MED12L: variants seen among roughly 807,000 people sequenced by gnomAD.
MED12L encodes the protein mediator of RNA polymerase II transcription subunit 12-like protein.
In MED12L, 60 loss-of-function variants were observed where a neutral mutation model predicts 281.3. The observed-to-expected ratio is 0.21, with a 90% CI of 0.17 to 0.26. The LOEUF is 0.26. MED12L is among the 10% of genes least tolerant of loss of function. The pLI is 1.00. For missense variants in MED12L, 2,146 were observed against 2,680.9 expected, an observed-to-expected ratio of 0.80 and a Z score of 4.41; for synonymous variants, 974 against 987.2, an observed-to-expected ratio of 0.99 and a Z score of 0.25.
At position 151,166,080 on chromosome 3, in the gene MED12L, G is replaced by A. The variant is rs538005287; in HGVS notation, c.1494+98G>A. ...ACTCTGGCGAAACCTTTTCTATGAA[G>A]TGTAGTATCTTATGAAGACATACAC... is the stretch of plus-strand genomic sequence containing the variant. On this transcript the variant is annotated intron_variant, in intron 11 of 44. Transcript: ENST00000687756. 4.0e-6 allele frequency: 4 copies of A among 1,002,600 alleles called. No homozygotes were observed. The African/African-American group carries it at 6.5e-5, about 16-fold the overall frequency. The allele number at this position is 1,002,600 out of a possible 1,614,324, so 62.1% of individuals were successfully genotyped here.
chr3:151,226,246 G>C (rs1235869122), intron 16 of MED12L, among the ~76,000 whole-genome samples: 1 of 152,182 alleles, frequency 6.6e-6, no homozygotes, highest in Non-Finnish European at 1.5e-5. Context: ...GCTTTAGCTA[G>C]GCAAAGAAGA....
intron 2 of MED12L, among the ~76,000 whole-genome samples, chr3:151,091,191 C>T (rs559037806): frequency 1.3e-5 from 2 of 152,278 alleles, no homozygotes; most frequent in African/African-American, 4.8e-5. Context: ...AGAGCCCCAC[C>T]AGCAGGGACC....
At chr3:151,315,623 T>C (rs572320350) in intron 16 of MED12L, among the ~76,000 whole-genome samples, 10 of 152,294 alleles carry the variant, frequency 6.6e-5, no homozygotes, top group African/African-American at 2.4e-4. Flanking sequence ...ATATGCCTCT[T>C]TGATCCCTAA....
chr3:151,379,972 A>G (rs1711957986), intron 31 of MED12L, 141 bp from the exon 32 acceptor site: 1 of 545,800 alleles, frequency 1.8e-6, no homozygotes, highest in East Asian at 3.3e-5. Context: ...AAGTAGAGGT[A>G]TGATTTAAAT....
chr3:151,091,750 C>T (rs1327183911), intron 2 of MED12L, among the ~76,000 whole-genome samples: 1 of 152,226 alleles, frequency 6.6e-6, no homozygotes, highest in East Asian at 1.9e-4. Flanking sequence ...GCCTTCAAGG[C>T]CCTACCAGTC....
chr3:151,262,020 C>T (rs568457857), intron 16 of MED12L, among the ~76,000 whole-genome samples: 8 of 152,322 alleles, frequency 5.3e-5, no homozygotes, highest in Non-Finnish European at 7.3e-5. Context: ...TGCCACTGCA[C>T]TCAGCTGAAG....
At position 151,357,229 on chromosome 3, in the gene MED12L, G is replaced by C; in HGVS notation, c.2678G>C (p.Ser893Thr). ...CTGTTACAGTTACTAAATGAACTGAGTGTTGTGGAAGCTGAACTGCTCCTA... is the reference window on the plus strand; with the variant it reads ...CTGTTACAGTTACTAAATGAACTGACTGTTGTGGAAGCTGAACTGCTCCTA... The part of the protein sequence containing the change: ...DFAIQLLNEL[S>T]VVEAELLLKS... Residue 893 changes from serine (S) to threonine (T), a missense_variant, in exon 20 of 45, where the codon AGT becomes ACT. By Grantham distance (58) the Ser-to-Thr change is moderately conservative (BLOSUM62 1). Around this residue, in one of 9 missense-constraint regions of MED12L, gnomAD observed 404 missense variants for 603.5 expected, o/e 0.67. Coordinates refer to ENST00000687756, the MANE Select transcript of MED12L (RefSeq NM_001393769.1). The C allele has an allele frequency of 6.2e-7, 1 of 1,608,678 alleles. No individual in the cohort carries two copies.
chr3:151,354,109 C>A (rs1236766593), intron 17 of MED12L, among the ~76,000 whole-genome samples: 1 of 129,928 alleles, frequency 7.7e-6, no homozygotes, highest in Non-Finnish European at 1.6e-5. Flanking sequence ...CCACTGCACT[C>A]CAGCCTGGGC....
intron 16 of MED12L, among the ~76,000 whole-genome samples, chr3:151,210,591 T>G (rs1255383470): frequency 2.6e-5 from 4 of 152,270 alleles, no homozygotes; most frequent in Non-Finnish European, 4.4e-5. Flanking sequence ...TGCATCAAAA[T>G]GGAATGTAAG....
chr3:151,210,106 A>G (rs58615496), intron 16 of MED12L, among the ~76,000 whole-genome samples: 2,544 of 152,224 alleles, frequency 0.017, 83 homozygotes, highest in African/African-American at 0.058. Flanking sequence ...AAGTGCTTCT[A>G]GATCTTATAT....
intron 16 of MED12L, chr3:151,214,402 G>A: frequency 8.8e-7 from 1 of 1,138,620 alleles, no homozygotes; most frequent in Admixed American, 2.2e-5. Context: ...CATTTGCTGA[G>A]TAATAAGGCA....
intron 16 of MED12L, chr3:151,337,606 A>G (rs1751184071): frequency 1.8e-6 from 1 of 553,252 alleles, no homozygotes; most frequent in South Asian, 2.3e-5. Context: ...TTTTGCTGCT[A>G]ATACAGCTAC....
rs552376643 is a variant in MED12L, at chr3:151,313,452, C to T, written c.2251-36607C>T. On this transcript the variant is annotated intron_variant, in intron 16 of 44. Transcript: ENST00000687756. ...TGTGGGCAGTGGTTCAAGGTCAGAG[C>T]TGTGCTCCCTACTGTTATGCTTGTT... is the stretch of plus-strand genomic sequence containing the variant. Among the ~76,000 whole-genome samples the T allele has an allele frequency of 1.2e-4, 19 of 152,168 alleles. No homozygotes were observed. In the South Asian group the frequency reaches 3.3e-3, roughly 27 times the overall value.
rs199918746 is a variant in MED12L at position 151,152,541 on chromosome 3, G to A, written c.557-3620G>A. On this transcript the variant is annotated intron_variant, in intron 5 of 44. Coordinates refer to ENST00000687756, the MANE Select transcript of MED12L (RefSeq NM_001393769.1). The stretch of plus-strand genomic sequence containing the variant: ...TCTGACATTGGTGACAGCAGGTGCT[G>A]TCTATTGATACTCAAGGTCTATCAG... 2.6e-5 allele frequency among the ~76,000 whole-genome samples: 4 copies of A among 152,268 alleles called. No homozygotes were observed. The East Asian group carries it at 5.8e-4, about 22-fold the overall frequency.
chr3:151,409,301 T>A lies in MED12L; in HGVS notation c.5879T>A (p.Leu1960His). Residue 1960 changes from leucine (L) to histidine (H), a missense_variant, in exon 40 of 45, where the codon CTC (leucine) becomes CAC (histidine). By Grantham distance (99) the Leu-to-His change is moderately conservative. Coordinates refer to ENST00000687756, the MANE Select transcript of MED12L (RefSeq NM_001393769.1). The stretch of plus-strand genomic sequence containing the variant: ...GCGCAAGCACGGCCCTCCCCTCAGC[T>A]CCCTCAGTATCCAGGGCTGCAGCAA... ...FAAQARPSPQ[L>H]PQYPGLQQAQ... The A allele has an allele frequency of 6.2e-7, 1 of 1,613,846 alleles. No homozygotes were observed. The highest frequency in any genetic ancestry group is 8.5e-7 in the Non-Finnish European group (1 of 1,179,974).
intron 16 of MED12L, among the ~76,000 whole-genome samples, chr3:151,252,263 G>A (rs1737005747): frequency 6.6e-6 from 1 of 152,130 alleles, no homozygotes; most frequent in African/African-American, 2.4e-5. Context: ...TACTGTGGGA[G>A]GTACAACCAG....
At chr3:151,141,187 G>GTTTTTTTTTTTTTTGTTTTTTTTTTTTTT (rs76965310) in intron 5 of MED12L, among the ~76,000 whole-genome samples, 2 of 99,108 alleles carry the variant, frequency 2.0e-5, no homozygotes, top group East Asian at 3.6e-4. Context: ...TGTTTTTTTT[G>GTTTTTTTTTTTTTTGTTTTTTTTTTTTTT]TTTTTTTTTT....
intron 16 of MED12L, among the ~76,000 whole-genome samples, chr3:151,309,192 A>C (rs1224192308): frequency 1.3e-5 from 2 of 151,538 alleles, no homozygotes; most frequent in African/African-American, 4.9e-5. Flanking sequence ...ACTTCAGTGA[A>C]TTTATCAACT....
In MED12L at chr3:151,411,525, G is replaced by C; in HGVS notation, c.6140+18G>C. 6.2e-7 allele frequency: 1 copy of C among 1,602,908 alleles called. No homozygotes were observed. The highest frequency in any genetic ancestry group is 8.5e-7 in the Non-Finnish European group (1 of 1,169,770). On this transcript the variant is annotated intron_variant, in intron 41 of 44. Coordinates refer to ENST00000687756, the MANE Select transcript of MED12L (RefSeq NM_001393769.1). Reference sequence around the variant, plus strand: ...TCTCAGAGGTGATACATGTGGAAATGATGATGGCAATAATGAACAGTCACA... The same window carrying C: ...TCTCAGAGGTGATACATGTGGAAATCATGATGGCAATAATGAACAGTCACA...
Sources: gnomAD v4.1 joint callset for allele counts (sites outside exome capture counted in the v4.1 genomes callset) on GRCh38, gnomAD v4.1.1 for gene constraint, gnomAD v4.1.1 regional missense constraint, MANE v1.5 for transcripts, NCBI Gene and HGNC (gene_info 2026-07-23, HGNC 2026-07-21) for gene names.